DNAH11: variants seen among roughly 807,000 people sequenced by gnomAD.
DNAH11 encodes the protein axonemal beta dynein heavy chain 11.
In DNAH11, 442 loss-of-function variants were observed where a neutral mutation model predicts 526.0. The observed-to-expected ratio is 0.84, with a 90% CI of 0.78 to 0.91. The LOEUF is 0.91. Ranked by LOEUF, DNAH11 falls within the 40% of genes least tolerant of loss-of-function variation. The pLI, the probability that DNAH11 is intolerant of heterozygous loss-of-function variation, is 0.00. For missense variants in DNAH11, 6,989 were observed against 5,448.7 expected, an observed-to-expected ratio of 1.28 and a Z score of -8.90; for synonymous variants, 2,461 against 1,935.9, an observed-to-expected ratio of 1.27 and a Z score of -7.12.
chr7:21,860,119 G>T (rs895654016), intron 68 of DNAH11, among the ~76,000 whole-genome samples: 1 of 152,102 alleles, frequency 6.6e-6, no homozygotes, highest in Non-Finnish European at 1.5e-5. Flanking sequence ...GCTGCAGTGA[G>T]CCACGGTCAC....
chr7:21,896,809 A>G (rs1784530673), intron 79 of DNAH11, among the ~76,000 whole-genome samples: 1 of 152,218 alleles, frequency 6.6e-6, no homozygotes, highest in African/African-American at 2.4e-5. Context: ...GCTCATGCCC[A>G]GCACTTTGGG....
chr7:21,817,614 G>T (rs1789857554), intron 64 of DNAH11, among the ~76,000 whole-genome samples: 1 of 150,768 alleles, frequency 6.6e-6, no homozygotes, highest in Non-Finnish European at 1.5e-5. Context: ...GATCACTTGA[G>T]CCCAGGAGAT....
rs773228517 is a variant in DNAH11 at position 21,745,022 on chromosome 7, T to A, written c.8469T>A (p.Ala2823=). 31 of 1,610,096 alleles carry A rather than the reference T, an allele frequency of 1.9e-5. No individual in the cohort carries two copies. The highest frequency in any genetic ancestry group is 2.6e-5 in the Non-Finnish European group (31 of 1,178,166). The change falls in exon 51 of 82, where the codon GCT becomes GCA. Residue 2823 remains alanine (A), a synonymous_variant. Transcript: ENST00000409508. ...TAGACAACTACAATGAACTAAATGC[T>A]GCCATGCACCTAGTTTTGTTTGAAG... The part of the protein sequence containing the change: ...ETLDNYNELN[A]AMHLVLFEDA...
rs1160578630 is a variant in DNAH11, at chr7:21,868,106, T to TC, written c.11839+99_11839+100insC. 3.5e-4 allele frequency: 316 copies of TC among 893,292 alleles called. No homozygotes were observed. The African/African-American group carries it at 6.2e-3, about 17-fold the overall frequency. The allele number at this position is 893,292 out of a possible 1,614,324, so 55.3% of individuals were successfully genotyped here. ...TCAGTTCACAGTGATCTTAGTTTCT[T>TC]TTTTTTTTTTTTTTAATTTGTTGAA... On this transcript the variant is annotated intron_variant, in intron 72 of 81. Transcript: ENST00000409508.
At position 21,880,687 on chromosome 7, in the gene DNAH11, T is replaced by C; in HGVS notation, c.12196-15T>C. ...TACAGATGGATAATCAAGCATTTCT[T>C]CTCTTTTTTCCCAGGATACACTTGA... On this transcript the variant is annotated splice_polypyrimidine_tract_variant and intron_variant, in intron 74 of 81. Coordinates refer to ENST00000409508, the MANE Select transcript of DNAH11 (RefSeq NM_001277115.2). The C allele has an allele frequency of 6.2e-7, 1 of 1,613,098 alleles. No individual in the cohort carries two copies. Among genetic ancestry groups the C allele is most frequent in the East Asian group, 2.2e-5 (1 of 44,876 alleles).
chr7:21,763,056 A>G (rs772638157), intron 54 of DNAH11, among the ~76,000 whole-genome samples: 16 of 152,218 alleles, frequency 1.1e-4, no homozygotes, highest in Non-Finnish European at 1.9e-4. Context: ...TAAAGAAGAC[A>G]TACAAGGCCA....
At chr7:21,851,433 A>G in intron 66 of DNAH11, 1 of 396,942 alleles carries the variant, frequency 2.5e-6, no homozygotes, top group Non-Finnish European at 5.1e-6. Flanking sequence ...AGAGCAGATT[A>G]ATACATCCAG....
rs1184577541 is a variant in DNAH11, at chr7:21,786,544, CCTTG to C, written c.9598-75_9598-72del. On this transcript the variant is annotated intron_variant, in intron 58 of 81. Transcript: ENST00000409508. The stretch of plus-strand genomic sequence containing the variant: ...AAGGAGAAGTGGGAGTCCACTAAAG[CCTTG>C]CTTGGCAACTTACAGAGCTTCTCCA... The C allele has an allele frequency of 7.4e-6, 11 of 1,493,140 alleles. No homozygotes were observed. The East Asian group carries it at 1.4e-4, about 19-fold the overall frequency. 92.5% of individuals were successfully genotyped at this position (1,493,140 alleles called of 1,614,324 possible).
intron 25 of DNAH11, among the ~76,000 whole-genome samples, chr7:21,627,312 TG>T (rs1368795900): frequency 1.3e-5 from 2 of 152,160 alleles, no homozygotes; most frequent in Non-Finnish European, 2.9e-5. Flanking sequence ...TTTTGTTGCC[TG>T]GGGTTTTGAA....
chr7:21,626,089 A>G (rs929523888), intron 25 of DNAH11, among the ~76,000 whole-genome samples: 12 of 152,154 alleles, frequency 7.9e-5, no homozygotes, highest in Admixed American at 2.6e-4. Flanking sequence ...TTTCTCTTCT[A>G]GATCTTTTGA....
In DNAH11 at chr7:21,857,802, A is replaced by T. The variant is rs138329519; in HGVS notation, c.11202+3347A>T. ...GACATAAAATAAACCTCAAACTATT[A>T]TACTATATAAAAAAATTCAAAATGA... On this transcript the variant is annotated intron_variant, in intron 68 of 81. Transcript: ENST00000409508. 2.0e-5 allele frequency among the ~76,000 whole-genome samples: 3 copies of T among 152,314 alleles called. No individual in the cohort carries two copies. In the East Asian group the frequency reaches 5.8e-4, roughly 29 times the overall value.
intron 27 of DNAH11, among the ~76,000 whole-genome samples, chr7:21,638,244 G>T (rs948227118): frequency 2.6e-5 from 4 of 152,150 alleles, no homozygotes; most frequent in African/African-American, 9.7e-5. Flanking sequence ...ATGGGTTGTG[G>T]AAGTGCGATC....
intron 20 of DNAH11, among the ~76,000 whole-genome samples, chr7:21,614,563 A>G (rs977902313): frequency 1.3e-5 from 2 of 152,230 alleles, no homozygotes; most frequent in Admixed American, 6.5e-5. Flanking sequence ...TTCTATGTAG[A>G]TGGGGTATAT....
Position 21,787,397 on chromosome 7 carries a change from G to T in DNAH11, c.9742-4G>T, listed in dbSNP as rs370896008. ...TCATTGCAATAAATCTTTTTGCTTT[G>T]CAGGTTGATGATTTTTTGCAAGCAT... is the stretch of plus-strand genomic sequence containing the variant. On this transcript the variant is annotated splice_region_variant and splice_polypyrimidine_tract_variant and intron_variant, in intron 59 of 81. Transcript: ENST00000409508. 3 of 1,594,624 alleles carry T rather than the reference G, an allele frequency of 1.9e-6. No homozygotes were observed. Among genetic ancestry groups the T allele is most frequent in the Non-Finnish European group, 2.6e-6 (3 of 1,171,210 alleles).
intron 30 of DNAH11, among the ~76,000 whole-genome samples, chr7:21,670,867 C>CGTGT (rs59872330): frequency 0.085 from 12,506 of 147,230 alleles, 560 homozygotes; most frequent in South Asian, 0.13. Context: ...TAAGTGTGTA[C>CGTGT]GTGTGTGTGT....
At chr7:21,868,064 C>T (rs572664902) in intron 72 of DNAH11, 57 bp downstream of exon 72, 2 of 1,362,566 alleles carry the variant, frequency 1.5e-6, no homozygotes, top group Non-Finnish European at 1.9e-6. Flanking sequence ...CTTTCACCCC[C>T]ACCCCTGCCC....
intron 25 of DNAH11, among the ~76,000 whole-genome samples, chr7:21,632,656 A>C (rs888682825): frequency 3.9e-5 from 6 of 152,178 alleles, no homozygotes; most frequent in Non-Finnish European, 7.4e-5. Context: ...CAAGTTTTTC[A>C]TCTCCATCTG....
chr7:21,786,159 ATTTC>A lies in DNAH11; in HGVS notation c.9598-458_9598-455del, dbSNP rs375372896. 3.4e-3 allele frequency among the ~76,000 whole-genome samples: 512 copies of A among 152,284 alleles called. 2 individuals carry two copies. Among genetic ancestry groups the A allele is most frequent in the African/African-American group, 0.012 (485 of 41,566 alleles). ...GAGTTCCTGTAGTGTAATGGAAGAT[ATTTC>A]TTTCTTGTACATGTAAGACAGAAAA... On this transcript the variant is annotated intron_variant, in intron 58 of 81. Coordinates refer to ENST00000409508, the MANE Select transcript of DNAH11 (RefSeq NM_001277115.2).
intron 2 of DNAH11, among the ~76,000 whole-genome samples, chr7:21,556,297 G>A (rs1783216225): frequency 6.6e-6 from 1 of 152,140 alleles, no homozygotes; most frequent in South Asian, 2.1e-4. Flanking sequence ...CTGGCTGCCA[G>A]TATTTAGATT....
Sources: allele counts gnomAD v4.1 joint callset (sites outside exome capture counted in the v4.1 genomes callset), GRCh38; gene constraint gnomAD v4.1.1; transcripts MANE v1.5; gene names NCBI Gene and HGNC (gene_info 2026-07-23, HGNC 2026-07-21).